TRIM67: variants seen among roughly 807,000 people sequenced by gnomAD.
The protein encoded by TRIM67 is tripartite motif containing 67.
TRIM67 carries 39 observed loss-of-function variants against 71.0 expected under a neutral mutation model. That is an observed-to-expected ratio of 0.55 (90% CI 0.43 to 0.72). The LOEUF (loss-of-function observed/expected upper bound fraction) is 0.72, where lower values mean the gene tolerates loss of function less well. Ranked by LOEUF, TRIM67 falls within the 30% of genes least tolerant of loss-of-function variation. The pLI is 0.00. For missense variants in TRIM67, 973 were observed against 1,079.2 expected (o/e 0.90, Z 1.38); for synonymous variants, 481 against 473.9 (o/e 1.01, Z -0.19).
At chr1:231,215,260 C>A (rs1041603204) in intron 9 of TRIM67, 115 bp from the exon 10 acceptor site, 4 of 1,433,164 alleles carry the variant, frequency 2.8e-6, no homozygotes, top group African/African-American at 2.8e-5. Flanking sequence ...TGAGCTATTG[C>A]ATGGATGGCC....
In TRIM67 at chr1:231,216,005, A is replaced by T; in HGVS notation, c.*565A>T. On this transcript the variant is annotated 3_prime_UTR_variant, in exon 10 of 10. Coordinates refer to ENST00000366653, the MANE Select transcript of TRIM67 (RefSeq NM_001004342.5). ...CACTTGCAGACCCAATGCAGGATTG[A>T]TAGAAAGGGACATTAATCATTCATG... 3.0e-6 allele frequency: 3 copies of T among 985,652 alleles called. No homozygotes were observed. Among genetic ancestry groups the T allele is most frequent in the Non-Finnish European group, 3.6e-6 (3 of 830,130 alleles). The allele number at this position is 985,652 out of a possible 1,614,324, so 61.1% of individuals were successfully genotyped here.
rs1159766852 is a variant in TRIM67, at chr1:231,167,319, C to CTT, written c.1044+3326_1044+3327dup. 2.3e-3 allele frequency among the ~76,000 whole-genome samples: 120 copies of CTT among 51,840 alleles called. 24 individuals carry two copies. The highest frequency in any genetic ancestry group is 7.8e-3 in the South Asian group (17 of 2,170). The allele number at this position is 51,840 out of a possible 152,430, so 34.0% of individuals were successfully genotyped here. On this transcript the variant is annotated intron_variant, in intron 1 of 9. Coordinates refer to ENST00000366653, the MANE Select transcript of TRIM67 (RefSeq NM_001004342.5). ...ACAGGACTTTTGATCACTCTAATGTCTTTTTTTTTTTTTTTTTTTTTGAGA... is the reference window on the plus strand; with the variant it reads ...ACAGGACTTTTGATCACTCTAATGTCTTTTTTTTTTTTTTTTTTTTTTTGAGA...
chr1:231,210,025 T>G (rs1683824344), intron 8 of TRIM67, among the ~76,000 whole-genome samples: 1 of 152,082 alleles, frequency 6.6e-6, no homozygotes, highest in South Asian at 2.1e-4. Flanking sequence ...GCACCATAGC[T>G]CTGTACTCTT....
At chr1:231,204,092 G>C in intron 6 of TRIM67, 80 bp downstream of exon 6, 1 of 1,578,516 alleles carries the variant, frequency 6.3e-7, no homozygotes, top group Non-Finnish European at 8.6e-7. Context: ...CCCAGACTCT[G>C]GTTCAGCCCA....
intron 4 of TRIM67, among the ~76,000 whole-genome samples, chr1:231,200,706 T>C (rs531567851): frequency 2.0e-5 from 3 of 152,072 alleles, no homozygotes; most frequent in African/African-American, 4.8e-5. Flanking sequence ...GGGTCATGAG[T>C]ATCTCTCAGG....
rs543699883 is a variant in TRIM67 at position 231,220,803 on chromosome 1, C to T, written c.*5363C>T. 3.9e-5 allele frequency: 6 copies of T among 152,418 alleles called. No homozygotes were observed. The highest frequency in any genetic ancestry group is 1.4e-4 in the African/African-American group (6 of 41,574). 9.4% of individuals were successfully genotyped at this position (152,418 alleles called of 1,614,324 possible). A position where few individuals can be genotyped will look rare whatever the true frequency, so the allele number is the denominator to read the frequency against. ...TCCATCGCTCTTCTCTCAAGGAGCA[C>T]AGTCCTGGGAAAGGCCTAGGGACCT... On this transcript the variant is annotated 3_prime_UTR_variant, in exon 10 of 10. Coordinates refer to ENST00000366653, the MANE Select transcript of TRIM67 (RefSeq NM_001004342.5).
chr1:231,208,825 C>A, intron 7 of TRIM67, 122 bp from the exon 8 acceptor site: 1 of 876,340 alleles, frequency 1.1e-6, no homozygotes, highest in Non-Finnish European at 1.8e-6. Context: ...ACAGGAAAGA[C>A]CCTTCACTTC....
chr1:231,209,322 C>T lies in TRIM67; in HGVS notation c.2123+72C>T, dbSNP rs568149833. On this transcript the variant is annotated intron_variant, in intron 8 of 9. Transcript: ENST00000366653. This position sits in a 1 kb window ranked among gnomAD's most constrained non-coding sequence, Gnocchi z 4.1. ...GAATGAGGGTCCTGAAGACCAGTGT[C>T]CCTTCTGCTGTCCCCAAAGCCAGGA... 6.2e-5 allele frequency: 89 copies of T among 1,434,284 alleles called. No homozygotes were observed. The African/African-American group carries it at 1.2e-3, about 19-fold the overall frequency. The allele number at this position is 1,434,284 out of a possible 1,614,324, so 88.8% of individuals were successfully genotyped here. A position where few individuals can be genotyped will look rare whatever the true frequency, so the allele number is the denominator to read the frequency against.
Position 231,216,812 on chromosome 1 carries a change from TG to T in TRIM67, c.*1373del. 1 of 985,560 alleles carries T rather than the reference TG, an allele frequency of 1.0e-6. No individual in the cohort carries two copies. Among genetic ancestry groups the T allele is most frequent in the Non-Finnish European group, 1.2e-6 (1 of 829,998 alleles). The allele number at this position is 985,560 out of a possible 1,614,324, so 61.1% of individuals were successfully genotyped here. ...CAGAGACAGCTCATGGCAGGGGTTT[TG>T]AGCCTGCCAGGCTCTTGTTCCCAGG... On this transcript the variant is annotated 3_prime_UTR_variant, in exon 10 of 10. Coordinates refer to ENST00000366653, the MANE Select transcript of TRIM67 (RefSeq NM_001004342.5).
chr1:231,205,413 C>A (rs931758641), intron 6 of TRIM67, among the ~76,000 whole-genome samples: 5 of 152,136 alleles, frequency 3.3e-5, no homozygotes, highest in Non-Finnish European at 2.9e-5. Context: ...TAATGGAGAA[C>A]AAGATCAATC....
chr1:231,199,205 C>T (rs746016336), intron 3 of TRIM67, 36 bp downstream of exon 3: 1 of 1,602,948 alleles, frequency 6.2e-7, no homozygotes, highest in Non-Finnish European at 8.5e-7. Flanking sequence ...TGAATCCCTG[C>T]CACATCCTCT....
intron 1 of TRIM67, among the ~76,000 whole-genome samples, chr1:231,194,063 G>A (rs944153314): frequency 6.6e-5 from 10 of 152,190 alleles, no homozygotes; most frequent in Non-Finnish European, 8.8e-5. Context: ...GCACTGGCAC[G>A]CGGATCTCAC....
At chr1:231,206,285 A>G (rs1683693519) in intron 6 of TRIM67, among the ~76,000 whole-genome samples, 1 of 151,438 alleles carries the variant, frequency 6.6e-6, no homozygotes, top group Non-Finnish European at 1.5e-5. Flanking sequence ...ATATATATAT[A>G]TATAAATTAG....
intron 3 of TRIM67, 61 bp from the exon 4 acceptor site, chr1:231,200,087 C>A: frequency 1.5e-6 from 2 of 1,299,250 alleles, no homozygotes; most frequent in Non-Finnish European, 2.2e-6. Flanking sequence ...CTGACTCTTG[C>A]GGTGGCCTGC....
intron 5 of TRIM67, among the ~76,000 whole-genome samples, chr1:231,202,125 G>C (rs1683555547): frequency 1.4e-5 from 2 of 143,356 alleles, no homozygotes; most frequent in East Asian, 2.0e-4. Context: ...AATGGTGGAG[G>C]AGGAGATGGA....
chr1:231,193,320 G>A (rs773334176), intron 1 of TRIM67, among the ~76,000 whole-genome samples: 1 of 152,174 alleles, frequency 6.6e-6, no homozygotes, highest in Non-Finnish European at 1.5e-5. Flanking sequence ...ATGAGTGGGA[G>A]GTGCTATGAA....
chr1:231,194,391 G>C (rs1683312284), intron 1 of TRIM67, among the ~76,000 whole-genome samples: 1 of 152,192 alleles, frequency 6.6e-6, no homozygotes, highest in Admixed American at 6.5e-5. Context: ...TAAGGATGTG[G>C]CAAAATTAAG....
Position 231,216,393 on chromosome 1 carries a change from A to G in TRIM67, c.*953A>G. ...ACAAGAATTTTAACAACTATGTCATAGGTCTTCGCCTGGTGATGGCTCCTT... is the reference window on the plus strand; with the variant it reads ...ACAAGAATTTTAACAACTATGTCATGGGTCTTCGCCTGGTGATGGCTCCTT... On this transcript the variant is annotated 3_prime_UTR_variant, in exon 10 of 10. Coordinates refer to ENST00000366653, the MANE Select transcript of TRIM67 (RefSeq NM_001004342.5). 1.0e-6 allele frequency: 1 copy of G among 985,494 alleles called. No individual in the cohort carries two copies. Among genetic ancestry groups the G allele is most frequent in the South Asian group, 4.7e-5 (1 of 21,292 alleles). The allele number at this position is 985,494 out of a possible 1,614,324, so 61.0% of individuals were successfully genotyped here. A position where few individuals can be genotyped will look rare whatever the true frequency, so the allele number is the denominator to read the frequency against.
In TRIM67 at chr1:231,209,552, G is replaced by A. The variant is rs960091611; in HGVS notation, c.2123+302G>A. On this transcript the variant is annotated intron_variant, in intron 8 of 9. Coordinates refer to ENST00000366653, the MANE Select transcript of TRIM67 (RefSeq NM_001004342.5). This position sits in a 1 kb window ranked among gnomAD's most constrained non-coding sequence, Gnocchi z 4.1. ...TATGGAGCTCGTAGTTTTCTTTCTG[G>A]TACGGCTTCACTTTCCTTTTCAACT... Among the ~76,000 whole-genome samples the A allele has an allele frequency of 6.6e-6, 1 of 152,184 alleles. No individual in the cohort carries two copies. Among genetic ancestry groups the A allele is most frequent in the Non-Finnish European group, 1.5e-5 (1 of 68,042 alleles).
Sources: gnomAD v4.1 joint callset for allele counts (sites outside exome capture counted in the v4.1 genomes callset) on GRCh38, gnomAD v4.1.1 for gene constraint, Gnocchi (gnomAD v3.1) non-coding constraint, MANE v1.5 for transcripts, NCBI Gene and HGNC (gene_info 2026-07-23, HGNC 2026-07-21) for gene names.